The following TUBGCP3 variants were observed in gnomAD, a reference collection of about 807,000 sequenced individuals.
TUBGCP3 encodes the protein tubulin gamma complex component 3.
A neutral mutation model predicts 123.1 loss-of-function variants in TUBGCP3; 50 were observed. The ratio of observed to expected loss-of-function variants is 0.41; its 90% CI spans 0.32 to 0.51. TUBGCP3 has a LOEUF of 0.51. TUBGCP3 is among the 20% of genes least tolerant of loss of function. The pLI, the probability that TUBGCP3 is intolerant of heterozygous loss-of-function variation, is 0.36. For synonymous variants in TUBGCP3, 405 were observed against 413.9 expected, an observed-to-expected ratio of 0.98 and a Z score of 0.26; for missense variants, 882 against 1,127.0, an observed-to-expected ratio of 0.78 and a Z score of 3.11.
upstream of TUBGCP3, among the ~76,000 whole-genome samples, chr13:112,589,324 C>T (rs1882823170): frequency 6.6e-6 from 1 of 152,250 alleles, no homozygotes; most frequent in African/African-American, 2.4e-5. Flanking sequence ...ACCTGACCAG[C>T]TCTCTCCTAG....
At chr13:112,503,080 G>C (rs1158016191) in intron 19 of TUBGCP3, among the ~76,000 whole-genome samples, 1 of 152,138 alleles carries the variant, frequency 6.6e-6, no homozygotes, top group East Asian at 1.9e-4. Flanking sequence ...CCACTGACAG[G>C]CCCTGAGGAG....
chr13:112,576,264 A>G (rs1313294882), intron 1 of TUBGCP3, among the ~76,000 whole-genome samples: 1 of 152,140 alleles, frequency 6.6e-6, no homozygotes, highest in Non-Finnish European at 1.5e-5. Flanking sequence ...CTTTCTCTAT[A>G]AAGGTCCTAG....
At chr13:112,487,561 T>C (rs1032851046) in intron 21 of TUBGCP3, among the ~76,000 whole-genome samples, 1 of 152,208 alleles carries the variant, frequency 6.6e-6, no homozygotes, top group Non-Finnish European at 1.5e-5. Context: ...TACAAAGGAT[T>C]TGTAAGTCTG....
intron 21 of TUBGCP3, among the ~76,000 whole-genome samples, chr13:112,488,584 C>G (rs1392264110): frequency 6.6e-6 from 1 of 152,140 alleles, no homozygotes; most frequent in Non-Finnish European, 1.5e-5. Context: ...AATCCCACCA[C>G]GGGGGAGCGC....
chr13:112,562,940 C>A (rs1277609455), intron 3 of TUBGCP3, among the ~76,000 whole-genome samples: 2 of 152,230 alleles, frequency 1.3e-5, no homozygotes, highest in Non-Finnish European at 2.9e-5. Flanking sequence ...CCGTCATCAA[C>A]AGGGCACCAC....
chr13:112,523,556 A>G (rs1054029456), intron 13 of TUBGCP3, among the ~76,000 whole-genome samples: 1 of 152,224 alleles, frequency 6.6e-6, no homozygotes, highest in Non-Finnish European at 1.5e-5. Context: ...AGCTCACCAC[A>G]GTCCTGTTTT....
At position 112,581,068 on chromosome 13, in the gene TUBGCP3, G is replaced by A. The variant is rs116356089; in HGVS notation, c.76+6837C>T. On this transcript the variant is annotated intron_variant, in intron 1 of 21. Coordinates refer to ENST00000261965, the MANE Select transcript of TUBGCP3 (RefSeq NM_006322.6). ...ACTCACAACAGAACCCAACCTCCTG[G>A]CCCCAGCCCAGGGAGCCGGCCCCTT... Among the ~76,000 whole-genome samples the A allele has an allele frequency of 6.4e-3, 966 of 151,988 alleles. 10 individuals carry two copies. Among genetic ancestry groups the A allele is most frequent in the African/African-American group, 0.022 (903 of 41,404 alleles).
chr13:112,555,032 A>G (rs895208211), intron 6 of TUBGCP3, 27 bp from the exon 7 acceptor site: 1 of 1,388,944 alleles, frequency 7.2e-7, no homozygotes. Flanking sequence ...TAAAGACAGT[A>G]ATTACTAGAC....
At chr13:112,598,498 ATAT>A in the TUBGCP3 span, among the ~76,000 whole-genome samples, 1 of 152,172 alleles carries the variant, frequency 6.6e-6, no homozygotes, top group African/African-American at 2.4e-5. Context: ...AAGACGGTAA[ATAT>A]TATTAAAGTG....
At chr13:112,526,609 T>C (rs111068247) in intron 13 of TUBGCP3, among the ~76,000 whole-genome samples, 19 of 144,356 alleles carry the variant, frequency 1.3e-4, no homozygotes, top group African/African-American at 2.8e-4. Flanking sequence ...ATCATCATCA[T>C]CACCATCATC....
intron 1 of TUBGCP3, chr13:112,587,116 C>T (rs1882660696): frequency 6.6e-6 from 1 of 152,134 alleles, no homozygotes; most frequent in Non-Finnish European, 1.5e-5. Flanking sequence ...AGAAAATTCC[C>T]TCATGGTGCA....
At chr13:112,558,945 A>G (rs1880277060) in intron 4 of TUBGCP3, among the ~76,000 whole-genome samples, 1 of 152,184 alleles carries the variant, frequency 6.6e-6, no homozygotes, top group Admixed American at 6.5e-5. Context: ...ACAGGGTTTC[A>G]CTGGCACAAA....
intron 1 of TUBGCP3, among the ~76,000 whole-genome samples, chr13:112,582,438 G>A (rs1047357110): frequency 6.6e-6 from 1 of 152,186 alleles, no homozygotes; most frequent in Non-Finnish European, 1.5e-5. Context: ...ATGACCAGGA[G>A]GACCTCGTGA....
intron 1 of TUBGCP3, among the ~76,000 whole-genome samples, chr13:112,576,985 TAAAAAAAAAA>T (rs1160929943): frequency 1.7e-5 from 2 of 119,092 alleles, no homozygotes; most frequent in African/African-American, 6.1e-5. Context: ...AAAAAATTCT[TAAAAAAAAAA>T]AAGAAAAAAA....
At chr13:112,598,742 A>T in the TUBGCP3 span, among the ~76,000 whole-genome samples, 1 of 152,114 alleles carries the variant, frequency 6.6e-6, no homozygotes, top group Non-Finnish European at 1.5e-5. Context: ...CAGGAGATGG[A>T]GACCATCCTG....
At chr13:112,526,260 C>A (rs1233561078) in intron 13 of TUBGCP3, among the ~76,000 whole-genome samples, 1 of 150,346 alleles carries the variant, frequency 6.7e-6, no homozygotes, top group Non-Finnish European at 1.5e-5. Flanking sequence ...TACACCATCA[C>A]CATCATCACC....
the TUBGCP3 span, among the ~76,000 whole-genome samples, chr13:112,597,940 G>A: frequency 6.6e-6 from 1 of 152,126 alleles, no homozygotes; most frequent in African/African-American, 2.4e-5. Flanking sequence ...AAGACATCAA[G>A]GCAATGATAA....
chr13:112,587,859 G>GC, intron 1 of TUBGCP3, 46 bp downstream of exon 1: 1 of 1,531,520 alleles, frequency 6.5e-7, no homozygotes, highest in Non-Finnish European at 8.8e-7. Context: ...GCAGGGAGCA[G>GC]CCCCCGGGAC....
At chr13:112,542,060 T>G (rs1410866520) in intron 11 of TUBGCP3, among the ~76,000 whole-genome samples, 2 of 152,220 alleles carry the variant, frequency 1.3e-5, no homozygotes, top group African/African-American at 4.8e-5. Context: ...AACTTTTTAT[T>G]TCTGGTGTAC....
Sources: allele counts gnomAD v4.1 joint callset (sites outside exome capture counted in the v4.1 genomes callset), GRCh38; gene constraint gnomAD v4.1.1; transcripts MANE v1.5; gene names NCBI Gene and HGNC (gene_info 2026-07-23, HGNC 2026-07-21).